Variants in ZNF722 observed in about 807,000 individuals in gnomAD.
The protein encoded by ZNF722 is zinc finger protein 722.
At chr7:63,999,918 A>T in the ZNF722 span, among the ~76,000 whole-genome samples, 1 of 151,728 alleles carries the variant, frequency 6.6e-6, no homozygotes. Context: ...GTGCTCTCGA[A>T]CCCCTGACCT....
chr7:63,998,878 A>G, the ZNF722 span: 6 of 1,451,142 alleles, frequency 4.1e-6, no homozygotes, highest in South Asian at 7.0e-5. Flanking sequence ...CCCGAGCTCC[A>G]GTTCTTTTCT....
the ZNF722 span, chr7:64,006,262 G>A: frequency 3.1e-6 from 4 of 1,304,514 alleles, no homozygotes; most frequent in South Asian, 1.3e-5. Flanking sequence ...TACCTGTCTG[G>A]AGCAAAATAA....
chr7:64,004,097 G>A, the ZNF722 span, among the ~76,000 whole-genome samples: 1 of 151,922 alleles, frequency 6.6e-6, no homozygotes, highest in Non-Finnish European at 1.5e-5. Flanking sequence ...TAAAACTGAT[G>A]GTTTCTTTAT....
chr7:64,009,965 T>G, the ZNF722 span, among the ~76,000 whole-genome samples: 1 of 152,194 alleles, frequency 6.6e-6, no homozygotes, highest in African/African-American at 2.4e-5. Flanking sequence ...CTTGTTTTAG[T>G]CTTGGGAGGG....
At chr7:64,008,360 G>T in the ZNF722 span, among the ~76,000 whole-genome samples, 1 of 152,022 alleles carries the variant, frequency 6.6e-6, no homozygotes, top group Non-Finnish European at 1.5e-5. Context: ...TTTCTTCTAG[G>T]GTTTTTATGG....
the ZNF722 span, among the ~76,000 whole-genome samples, chr7:64,002,333 T>C: frequency 6.6e-6 from 1 of 152,216 alleles, no homozygotes; most frequent in African/African-American, 2.4e-5. Context: ...CTTTTTGATG[T>C]GGATGTTTAG....
chr7:63,999,073 A>T, the ZNF722 span: 497 of 1,493,376 alleles, frequency 3.3e-4, 2 homozygotes, highest in Non-Finnish European at 4.5e-4. Context: ...TTGTAGCAGG[A>T]CCCAAACTTC....
At chr7:64,005,616 T>G in the ZNF722 span, 1 of 1,151,754 alleles carries the variant, frequency 8.7e-7, no homozygotes, top group Non-Finnish European at 1.3e-6. Flanking sequence ...TTTCAGAGAC[T>G]GTTGACATTC....
chr7:63,998,992 C>G, the ZNF722 span: 8 of 1,576,798 alleles, frequency 5.1e-6, no homozygotes. Flanking sequence ...CCCTGGAAGC[C>G]GAGAAATGGT....
the ZNF722 span, among the ~76,000 whole-genome samples, chr7:64,009,584 G>C: frequency 7.7e-4 from 118 of 152,330 alleles, no homozygotes; most frequent in African/African-American, 2.6e-3. Context: ...GCATCCCAGA[G>C]ATGAAGCTGA....
the ZNF722 span, among the ~76,000 whole-genome samples, chr7:64,000,701 T>A: frequency 2.6e-5 from 4 of 151,952 alleles, no homozygotes; most frequent in African/African-American, 9.7e-5. Context: ...TCAGCCTGCC[T>A]CAGCCTCCCA....
chr7:64,016,450 A>G, the ZNF722 span, among the ~76,000 whole-genome samples: 1 of 152,094 alleles, frequency 6.6e-6, no homozygotes, highest in African/African-American at 2.4e-5. Context: ...AAAAAAAAAA[A>G]GTGAAAAAAC....
chr7:64,004,426 A>AAAAAAAAAAAATATATATATG, the ZNF722 span, among the ~76,000 whole-genome samples: 3 of 47,652 alleles, frequency 6.3e-5, no homozygotes, highest in East Asian at 1.4e-3. Context: ...AAAAAAAAAA[A>AAAAAAAAAAAATATATATATG]TATATATATA....
At chr7:63,999,119 C>A in the ZNF722 span, 6 of 1,172,380 alleles carry the variant, frequency 5.1e-6, no homozygotes, top group Non-Finnish European at 6.3e-6. Context: ...GACCCAAATC[C>A]TCCTTGTCCC....
At chr7:64,011,135 A>G in the ZNF722 span, among the ~76,000 whole-genome samples, 13 of 151,712 alleles carry the variant, frequency 8.6e-5, no homozygotes, top group Admixed American at 5.9e-4. Context: ...TTTTGAACCT[A>G]TGGATGTCTC....
At chr7:63,999,888 G>T in the ZNF722 span, among the ~76,000 whole-genome samples, 1 of 151,894 alleles carries the variant, frequency 6.6e-6, no homozygotes, top group East Asian at 1.9e-4. Context: ...TAGAGACGGG[G>T]TTTCACCATG....
chr7:64,014,906 C>A, the ZNF722 span: 1 of 755,606 alleles, frequency 1.3e-6, no homozygotes, highest in Non-Finnish European at 2.1e-6. Flanking sequence ...GGAATTATGG[C>A]CTGTGGTAAT....
chr7:64,005,774 T>A, the ZNF722 span: 1 of 1,459,406 alleles, frequency 6.9e-7, no homozygotes, highest in Non-Finnish European at 9.3e-7. Flanking sequence ...CCTAATATAT[T>A]GCCTTTCTCT....
At chr7:63,999,764 C>A in the ZNF722 span, among the ~76,000 whole-genome samples, 5 of 152,020 alleles carry the variant, frequency 3.3e-5, no homozygotes, top group Admixed American at 3.3e-4. Flanking sequence ...ATGGCGCGAT[C>A]TCGGCTCACT....
Sources: gnomAD v4.1 joint callset for allele counts (sites outside exome capture counted in the v4.1 genomes callset) on GRCh38, gnomAD v4.1.1 for gene constraint, MANE v1.5 for transcripts, NCBI Gene and HGNC (gene_info 2026-07-23, HGNC 2026-07-21) for gene names.